The following SLC24A2 variants were observed in gnomAD, a reference collection of about 807,000 sequenced individuals.
SLC24A2 encodes the protein sodium/potassium/calcium exchanger 2.
A neutral mutation model predicts 62.0 loss-of-function variants in SLC24A2; 36 were observed. The observed-to-expected ratio is 0.58, with a 90% CI of 0.44 to 0.77. The LOEUF (loss-of-function observed/expected upper bound fraction) is 0.77, where lower values mean the gene tolerates loss of function less well. Among genes scored for constraint, SLC24A2 ranks in the 30% least tolerant of loss-of-function variants. The pLI is 0.00. For synonymous variants in SLC24A2, 358 were observed against 294.0 expected (o/e 1.22, Z -2.23); for missense variants, 846 against 817.9 (o/e 1.03, Z -0.42).
intron 2 of SLC24A2, among the ~76,000 whole-genome samples, chr9:19,639,252 G>A (rs776829458): frequency 2.6e-5 from 4 of 152,118 alleles, no homozygotes; most frequent in Non-Finnish European, 4.4e-5. Flanking sequence ...GTGGTAGTTT[G>A]CAAAATGGCT....
chr9:19,724,906 A>C (rs549571214), intron 2 of SLC24A2, among the ~76,000 whole-genome samples: 1 of 152,262 alleles, frequency 6.6e-6, no homozygotes, highest in Non-Finnish European at 1.5e-5. Context: ...AGTTAAATCC[A>C]AAATCCTACA....
chr9:19,609,298 G>A lies in SLC24A2; in HGVS notation c.1078+10286C>T, dbSNP rs552871885. 2.0e-5 allele frequency among the ~76,000 whole-genome samples: 3 copies of A among 152,362 alleles called. No individual in the cohort carries two copies. In the South Asian group the frequency reaches 6.2e-4, roughly 32 times the overall value. On this transcript the variant is annotated intron_variant, in intron 4 of 10. Coordinates refer to ENST00000341998, the MANE Select transcript of SLC24A2 (RefSeq NM_020344.4). ...TGCCCCGCTTGGTGCCTCACCAAGA[G>A]CAGTTAGTGAATCTGGCCAGGGCAG... is the stretch of plus-strand genomic sequence containing the variant.
the SLC24A2 span, among the ~76,000 whole-genome samples, chr9:20,183,260 G>A: frequency 5.9e-5 from 9 of 152,206 alleles, no homozygotes; most frequent in Non-Finnish European, 1.0e-4. Context: ...GTTTGGCACA[G>A]CTGGAAAGAG....
At chr9:20,278,037 G>C in the SLC24A2 span, among the ~76,000 whole-genome samples, 1 of 152,002 alleles carries the variant, frequency 6.6e-6, no homozygotes, top group East Asian at 1.9e-4. Context: ...ATTGAACAAT[G>C]AGAACACTTG....
At chr9:20,247,835 C>T in the SLC24A2 span, among the ~76,000 whole-genome samples, 25 of 152,208 alleles carry the variant, frequency 1.6e-4, no homozygotes, top group African/African-American at 5.8e-4. Flanking sequence ...AACTTATTTA[C>T]TGTGCAAACT....
rs917266153 is a variant in SLC24A2 at position 19,709,676 on chromosome 9, G to A, written c.930+76261C>T. The stretch of plus-strand genomic sequence containing the variant: ...AAGGACAAAAAACCAAACACCGCAT[G>A]TTCTCACTCATAGGTGCTGAACAAT... On this transcript the variant is annotated intron_variant, in intron 2 of 10. Coordinates refer to ENST00000341998, the MANE Select transcript of SLC24A2 (RefSeq NM_020344.4). 1.5e-3 allele frequency among the ~76,000 whole-genome samples: 215 copies of A among 147,488 alleles called. 2 individuals carry two copies. The highest frequency in any genetic ancestry group is 5.1e-3 in the African/African-American group (206 of 40,126).
the SLC24A2 span, among the ~76,000 whole-genome samples, chr9:19,924,349 C>T: frequency 1.3e-5 from 2 of 152,198 alleles, no homozygotes; most frequent in Non-Finnish European, 1.5e-5. Context: ...TTTGCTAGAG[C>T]TCTACCATTA....
chr9:19,940,729 G>A, the SLC24A2 span, among the ~76,000 whole-genome samples: 1 of 152,190 alleles, frequency 6.6e-6, no homozygotes, highest in Admixed American at 6.5e-5. Context: ...GTTACAAAAA[G>A]GTGATTTTAT....
At chr9:20,164,164 G>C in the SLC24A2 span, among the ~76,000 whole-genome samples, 1 of 152,106 alleles carries the variant, frequency 6.6e-6, no homozygotes, top group Non-Finnish European at 1.5e-5. Flanking sequence ...CTTCTGCACA[G>C]CAAAAGAAGC....
chr9:20,006,144 T>C, the SLC24A2 span, among the ~76,000 whole-genome samples: 1 of 151,512 alleles, frequency 6.6e-6, no homozygotes. Flanking sequence ...AAGAATATAT[T>C]TTATATATAC....
intron 1 of SLC24A2, 103 bp downstream of exon 1, chr9:19,788,782 C>A: frequency 7.1e-6 from 7 of 985,466 alleles, no homozygotes; most frequent in Non-Finnish European, 8.4e-6. Context: ...GGCAGAGCCA[C>A]CTGTGAGCCT....
the SLC24A2 span, among the ~76,000 whole-genome samples, chr9:20,077,221 T>C: frequency 3.2e-3 from 484 of 152,064 alleles, 1 homozygote; most frequent in African/African-American, 0.011. Flanking sequence ...AGAGATCTAA[T>C]ATAGAACACA....
chr9:20,057,244 C>T, the SLC24A2 span, among the ~76,000 whole-genome samples: 8 of 152,150 alleles, frequency 5.3e-5, no homozygotes, highest in East Asian at 1.9e-4. Flanking sequence ...TAAATTTGAG[C>T]GTGTGATGCT....
chr9:19,851,247 ACTC>A, the SLC24A2 span, among the ~76,000 whole-genome samples: 51 of 150,492 alleles, frequency 3.4e-4, no homozygotes, highest in African/African-American at 1.2e-3. Context: ...CTGGTCCTGA[ACTC>A]CTGACCTCAG....
At chr9:19,964,384 T>A in the SLC24A2 span, among the ~76,000 whole-genome samples, 31 of 151,822 alleles carry the variant, frequency 2.0e-4, no homozygotes, top group South Asian at 4.2e-4. Context: ...ATAATAATAA[T>A]AAAAAAAGGA....
the SLC24A2 span, among the ~76,000 whole-genome samples, chr9:20,279,958 C>G: frequency 6.6e-6 from 1 of 152,182 alleles, no homozygotes; most frequent in African/African-American, 2.4e-5. Context: ...TGAGATTCAG[C>G]TTACTGAATG....
the SLC24A2 span, among the ~76,000 whole-genome samples, chr9:20,252,636 G>A: frequency 6.6e-6 from 1 of 152,202 alleles, no homozygotes; most frequent in Non-Finnish European, 1.5e-5. Flanking sequence ...TAGGGATATT[G>A]AGGTTCAAGC....
chr9:19,850,965 A>ATG, the SLC24A2 span, among the ~76,000 whole-genome samples: 4 of 49,752 alleles, frequency 8.0e-5, no homozygotes, highest in Middle Eastern at 0.017. Context: ...ATATATATAT[A>ATG]TGTATATATA....
chr9:19,713,647 T>G (rs532359823), intron 2 of SLC24A2, among the ~76,000 whole-genome samples: 1 of 152,176 alleles, frequency 6.6e-6, no homozygotes, highest in Non-Finnish European at 1.5e-5. Flanking sequence ...TTTTCCTTCA[T>G]AGTTATAAAT....
Sources: allele counts gnomAD v4.1 joint callset (sites outside exome capture counted in the v4.1 genomes callset), GRCh38; gene constraint gnomAD v4.1.1; transcripts MANE v1.5; gene names NCBI Gene and HGNC (gene_info 2026-07-23, HGNC 2026-07-21).